Variants in TBC1D22A observed in about 807,000 individuals in gnomAD.
TBC1D22A encodes putative GTPase activator.
Under a neutral mutation model 60.2 loss-of-function variants are expected in TBC1D22A, and 38 were observed. The observed-to-expected ratio is 0.63, with a 90% confidence interval of 0.49 to 0.83. The LOEUF (loss-of-function observed/expected upper bound fraction) is 0.83. Among genes scored for constraint, TBC1D22A ranks in the 40% least tolerant of loss-of-function variants. The pLI is 0.00. For missense variants in TBC1D22A, 628 were observed against 701.0 expected, an observed-to-expected ratio of 0.90 and a Z score of 1.18; for synonymous variants, 302 against 281.7, an observed-to-expected ratio of 1.07 and a Z score of -0.72.
chr22:46,919,517 G>A lies in TBC1D22A; in HGVS notation c.1015+7329G>A, dbSNP rs117867318. On this transcript the variant is annotated intron_variant, in intron 8 of 12. Transcript: ENST00000337137. Reference sequence around the variant, plus strand: ...TATGAGTATTCATGTACAAGTCTTCGTGTAGATATGTGTTTCCATTTCTGT... The same window carrying A: ...TATGAGTATTCATGTACAAGTCTTCATGTAGATATGTGTTTCCATTTCTGT... Among the ~76,000 whole-genome samples the A allele has an allele frequency of 2.7e-4, 41 of 152,254 alleles. No homozygotes were observed. The East Asian group carries it at 7.5e-3, about 28-fold the overall frequency.
At chr22:46,935,770 C>T (rs7285662) in intron 8 of TBC1D22A, among the ~76,000 whole-genome samples, 1 of 151,976 alleles carries the variant, frequency 6.6e-6, no homozygotes, top group Admixed American at 6.6e-5. Flanking sequence ...CGCGCTGTCT[C>T]CTGGGCCCTC....
intron 11 of TBC1D22A, among the ~76,000 whole-genome samples, chr22:47,045,496 A>T (rs2063002651): frequency 6.6e-6 from 1 of 152,250 alleles, no homozygotes; most frequent in African/African-American, 2.4e-5. Flanking sequence ...AGTAGACAAG[A>T]GTCCTTAGCC....
chr22:46,909,065 T>G (rs1427370449), intron 7 of TBC1D22A, among the ~76,000 whole-genome samples: 3 of 152,162 alleles, frequency 2.0e-5, no homozygotes, highest in Non-Finnish European at 4.4e-5. Context: ...TGGGCTCCCC[T>G]CGGCATCCTC....
intron 10 of TBC1D22A, among the ~76,000 whole-genome samples, chr22:47,017,372 G>C (rs1007339279): frequency 1.3e-5 from 2 of 152,218 alleles, no homozygotes; most frequent in Non-Finnish European, 2.9e-5. Context: ...GGGCTCAGGT[G>C]AGGGGTCGCC....
chr22:47,139,171 T>C (rs1400383508), intron 12 of TBC1D22A, among the ~76,000 whole-genome samples: 1 of 152,128 alleles, frequency 6.6e-6, no homozygotes, highest in Admixed American at 6.5e-5. Context: ...TATTGCTTTG[T>C]TTATGTGCTT....
chr22:46,876,269 C>T (rs131867), intron 4 of TBC1D22A, among the ~76,000 whole-genome samples: 89,609 of 152,066 alleles, frequency 0.59, 29,279 homozygotes, highest in Middle Eastern at 0.81. Flanking sequence ...GTTCCCTTTT[C>T]ACTTCATAAT....
At chr22:47,159,137 T>C (rs2067845716) in intron 12 of TBC1D22A, among the ~76,000 whole-genome samples, 1 of 144,598 alleles carries the variant, frequency 6.9e-6, no homozygotes, top group African/African-American at 2.6e-5. Context: ...CACCAGTTAC[T>C]GTGTACACAC....
chr22:46,861,163 G>C (rs1205064428), intron 4 of TBC1D22A, among the ~76,000 whole-genome samples: 2 of 152,000 alleles, frequency 1.3e-5, no homozygotes, highest in Non-Finnish European at 2.9e-5. Flanking sequence ...TCGCCCTCTT[G>C]CCCAGGTTGG....
At chr22:46,827,737 C>T (rs2086131713) in intron 4 of TBC1D22A, among the ~76,000 whole-genome samples, 1 of 152,108 alleles carries the variant, frequency 6.6e-6, no homozygotes, top group African/African-American at 2.4e-5. Context: ...CCTATGACTC[C>T]TCTCTTCTCT....
chr22:47,142,271 C>T (rs930643182), intron 12 of TBC1D22A, among the ~76,000 whole-genome samples: 1 of 135,136 alleles, frequency 7.4e-6, no homozygotes, highest in African/African-American at 2.8e-5. Context: ...CCCACCCACT[C>T]ATCCACCCCA....
At chr22:46,969,168 G>A (rs2148104597) in intron 8 of TBC1D22A, among the ~76,000 whole-genome samples, 1 of 152,314 alleles carries the variant, frequency 6.6e-6, no homozygotes, top group East Asian at 1.9e-4. Flanking sequence ...TTTATCTGAG[G>A]AAGAGACAGG....
intron 12 of TBC1D22A, among the ~76,000 whole-genome samples, chr22:47,156,542 C>T (rs879603253): frequency 9.2e-5 from 14 of 152,082 alleles, no homozygotes; most frequent in African/African-American, 2.4e-4. Flanking sequence ...TGAGGCTGGC[C>T]GGAGTGAACA....
At chr22:47,020,646 A>G (rs2062055790) in intron 10 of TBC1D22A, among the ~76,000 whole-genome samples, 1 of 151,758 alleles carries the variant, frequency 6.6e-6, no homozygotes, top group African/African-American at 2.4e-5. Flanking sequence ...CCTTGCTGCA[A>G]AGGAGAGTGC....
At chr22:47,002,110 T>C (rs760705667) in intron 10 of TBC1D22A, among the ~76,000 whole-genome samples, 16 of 152,256 alleles carry the variant, frequency 1.1e-4, no homozygotes, top group Non-Finnish European at 2.4e-4. Flanking sequence ...TATTTAGTAA[T>C]TTACTGCTGT....
chr22:46,903,196 C>T (rs1049253556), intron 7 of TBC1D22A, among the ~76,000 whole-genome samples: 19 of 152,146 alleles, frequency 1.2e-4, no homozygotes, highest in African/African-American at 1.4e-4. Context: ...GCCTGGTGGG[C>T]GTTCGGGACC....
intron 4 of TBC1D22A, among the ~76,000 whole-genome samples, chr22:46,846,441 T>A (rs1317691931): frequency 6.6e-6 from 1 of 152,134 alleles, no homozygotes; most frequent in African/African-American, 2.4e-5. Flanking sequence ...GGTGCTTAAG[T>A]GTGGGAGGAA....
intron 8 of TBC1D22A, among the ~76,000 whole-genome samples, chr22:46,938,799 T>TGA (rs1251909924): frequency 2.6e-5 from 4 of 152,084 alleles, no homozygotes; most frequent in Non-Finnish European, 5.9e-5. Context: ...TTGGCCAGGC[T>TGA]GGTCTCGAAC....
chr22:47,131,021 G>A (rs529249686), intron 12 of TBC1D22A, among the ~76,000 whole-genome samples: 5 of 152,320 alleles, frequency 3.3e-5, no homozygotes, highest in East Asian at 3.9e-4. Flanking sequence ...GGCGTGTCAC[G>A]TGGCGAGAGA....
At position 46,913,750 on chromosome 22, in the gene TBC1D22A, T is replaced by G. The variant is rs77729368; in HGVS notation, c.1015+1562T>G. ...TAGAGAATTGATATTCCATGTTAAATAGACCATTTAATTAATGTGGTAAAT... is the reference window on the plus strand; with the variant it reads ...TAGAGAATTGATATTCCATGTTAAAGAGACCATTTAATTAATGTGGTAAAT... On this transcript the variant is annotated intron_variant, in intron 8 of 12. Coordinates refer to ENST00000337137, the MANE Select transcript of TBC1D22A (RefSeq NM_014346.5). The G allele has an allele frequency of 8.8e-4, 863 of 985,420 alleles. 6 individuals carry two copies. In the African/African-American group the frequency reaches 0.014, roughly 15 times the overall value. The allele number at this position is 985,420 out of a possible 1,614,324, so 61.0% of individuals were successfully genotyped here. A position where few individuals can be genotyped will look rare whatever the true frequency, so the allele number is the denominator to read the frequency against.
Sources: gnomAD v4.1 joint callset for allele counts (sites outside exome capture counted in the v4.1 genomes callset) on GRCh38, gnomAD v4.1.1 for gene constraint, MANE v1.5 for transcripts, NCBI Gene and HGNC (gene_info 2026-07-23, HGNC 2026-07-21) for gene names.